Variants in PTPRC observed in about 807,000 individuals in gnomAD.
PTPRC encodes receptor-type tyrosine-protein phosphatase C.
In PTPRC, 44 loss-of-function variants were observed where a neutral mutation model predicts 155.9. That is an observed-to-expected ratio of 0.28 (90% CI 0.22 to 0.36). The LOEUF is 0.36. Among genes scored for constraint, PTPRC ranks in the 10% least tolerant of loss-of-function variants. PTPRC has a pLI of 1.00. For synonymous variants in PTPRC, 525 were observed against 533.1 expected, an observed-to-expected ratio of 0.98 and a Z score of 0.21; for missense variants, 1,401 against 1,564.6, an observed-to-expected ratio of 0.90 and a Z score of 1.76.
At chr1:198,697,815 T>C (rs960298443) in intron 4 of PTPRC, among the ~76,000 whole-genome samples, 1 of 152,202 alleles carries the variant, frequency 6.6e-6, no homozygotes, top group African/African-American at 2.4e-5. Flanking sequence ...TTGTTTAGGG[T>C]ACATCAAAGT....
In PTPRC at chr1:198,752,693, G is replaced by A. The variant is rs139041596; in HGVS notation, c.3430G>A (p.Val1144Ile). 1.0e-4 allele frequency: 162 copies of A among 1,612,912 alleles called. No individual in the cohort carries two copies. In the African/African-American group the frequency reaches 1.6e-3, roughly 16 times the overall value. Residue 1144 changes from valine to isoleucine, a missense_variant, in exon 31 of 33, where the codon GTC becomes ATC. Around this residue, in one of 3 missense-constraint regions of PTPRC, gnomAD observed 400 missense variants for 389.5 expected, o/e 1.03. Transcript: ENST00000442510. ...GGAATTAATCTCTATGATTCAGGTC[G>A]TCAAACAAAAACTTCCCCAGAAGAA... is the stretch of plus-strand genomic sequence containing the variant. ...PKELISMIQV[V>I]KQKLPQKNSS...
At chr1:198,678,831 C>G (rs890720725) in intron 2 of PTPRC, among the ~76,000 whole-genome samples, 1 of 151,450 alleles carries the variant, frequency 6.6e-6, no homozygotes, top group South Asian at 2.1e-4. Flanking sequence ...TTTTCCCCCC[C>G]AGTTTTTTCT....
chr1:198,752,446 T>A, intron 30 of PTPRC, 75 bp downstream of exon 30: 1 of 1,572,370 alleles, frequency 6.4e-7, no homozygotes. Context: ...AATTACTCTA[T>A]GCAGGCAAGG....
rs1655676668 is a variant in PTPRC at position 198,756,506 on chromosome 1, A to C, written c.*325A>C. ...AAAGAGAGAGAATTCTTTCAAGTGAATCTAAAAGCTTTTGCTTTTCCTTTG... is the reference window on the plus strand; with the variant it reads ...AAAGAGAGAGAATTCTTTCAAGTGACTCTAAAAGCTTTTGCTTTTCCTTTG... On this transcript the variant is annotated 3_prime_UTR_variant, in exon 33 of 33. Coordinates refer to ENST00000442510, the MANE Select transcript of PTPRC (RefSeq NM_002838.5). 9.1e-6 allele frequency: 2 copies of C among 220,814 alleles called. No individual in the cohort carries two copies. The highest frequency in any genetic ancestry group is 5.3e-5 in the Admixed American group (1 of 18,976). The allele number at this position is 220,814 out of a possible 1,614,324, so 13.7% of individuals were successfully genotyped here. A position where few individuals can be genotyped will look rare whatever the true frequency, so the allele number is the denominator to read the frequency against.
chr1:198,734,155 A>G (rs1454593834), intron 20 of PTPRC, 41 bp from the exon 21 acceptor site: 1 of 1,592,580 alleles, frequency 6.3e-7, no homozygotes, highest in Non-Finnish European at 8.6e-7. Flanking sequence ...GAGTAATTGA[A>G]TGTTCAGCAA....
chr1:198,724,756 T>C (rs1654051831), intron 15 of PTPRC, among the ~76,000 whole-genome samples: 1 of 152,014 alleles, frequency 6.6e-6, no homozygotes, highest in South Asian at 2.1e-4. Context: ...GGTTTCTGTC[T>C]TTATTCTTGG....
intron 14 of PTPRC, among the ~76,000 whole-genome samples, chr1:198,720,399 C>T (rs1653831587): frequency 6.6e-6 from 1 of 152,082 alleles, no homozygotes; most frequent in African/African-American, 2.4e-5. Flanking sequence ...GGCGTGATCT[C>T]GGCTCCTGCA....
chr1:198,711,067 G>A (rs760080648), intron 11 of PTPRC, among the ~76,000 whole-genome samples: 11 of 151,950 alleles, frequency 7.2e-5, no homozygotes, highest in African/African-American at 1.2e-4. Context: ...CTCATGATCC[G>A]CCCACCTTGG....
At chr1:198,687,776 T>A (rs1665713068) in intron 2 of PTPRC, among the ~76,000 whole-genome samples, 1 of 152,168 alleles carries the variant, frequency 6.6e-6, no homozygotes, top group South Asian at 2.1e-4. Context: ...TTATTAAAAT[T>A]GATATGTTGC....
intron 2 of PTPRC, among the ~76,000 whole-genome samples, chr1:198,662,463 TGTGTGTGTGTGTGTGAGA>T (rs1664023848): frequency 1.6e-5 from 2 of 126,828 alleles, no homozygotes; most frequent in African/African-American, 5.9e-5. Context: ...TGTGTGTGTG[TGTGTGTGTGTGTGTGAGA>T]GTGTGTGTGT....
intron 25 of PTPRC, among the ~76,000 whole-genome samples, chr1:198,742,991 T>C (rs1288404712): frequency 6.9e-6 from 1 of 144,718 alleles, no homozygotes; most frequent in Non-Finnish European, 1.5e-5. Context: ...AAATCACATA[T>C]ATGCATATAC....
chr1:198,724,261 G>A (rs1388108856), intron 15 of PTPRC, among the ~76,000 whole-genome samples: 1 of 152,134 alleles, frequency 6.6e-6, no homozygotes, highest in Non-Finnish European at 1.5e-5. Context: ...GAAAGGACTT[G>A]GGCTGTGAAT....
In PTPRC at chr1:198,655,458, C is replaced by G. The variant is rs539076292; in HGVS notation, c.73+16117C>G. On this transcript the variant is annotated intron_variant, in intron 2 of 32. Transcript: ENST00000442510. ...TGAGGGAACTTGGTCTAGAATTCCT[C>G]CAGCATATTATGAGGTATTTGTTCT... is the stretch of plus-strand genomic sequence containing the variant. 2.7e-3 allele frequency among the ~76,000 whole-genome samples: 418 copies of G among 152,116 alleles called. 1 individual carries two copies. The highest frequency in any genetic ancestry group is 6.8e-3 in the Middle Eastern group (2 of 294).
intron 2 of PTPRC, among the ~76,000 whole-genome samples, chr1:198,681,090 G>T (rs1665297480): frequency 6.6e-6 from 1 of 152,036 alleles, no homozygotes; most frequent in South Asian, 2.1e-4. Flanking sequence ...TAAAGATAGA[G>T]AAACCATTTT....
At chr1:198,694,928 T>C (rs1026369033) in intron 3 of PTPRC, 10 of 980,290 alleles carry the variant, frequency 1.0e-5, no homozygotes, top group Non-Finnish European at 1.2e-5. Flanking sequence ...GGCATGTCAT[T>C]ATGGGTAAAA....
chr1:198,748,835 A>G (rs1319297861), intron 27 of PTPRC, among the ~76,000 whole-genome samples: 1 of 151,792 alleles, frequency 6.6e-6, no homozygotes, highest in Admixed American at 6.6e-5. Flanking sequence ...AGATCAGTGC[A>G]TGGTTGACCT....
chr1:198,697,414 C>G (rs1051305249), intron 4 of PTPRC, among the ~76,000 whole-genome samples: 2 of 152,250 alleles, frequency 1.3e-5, no homozygotes, highest in South Asian at 4.1e-4. Flanking sequence ...ATTTGAGTTT[C>G]TTTTAAGAGC....
chr1:198,686,668 A>G (rs1384548568), intron 2 of PTPRC, among the ~76,000 whole-genome samples: 2 of 152,194 alleles, frequency 1.3e-5, no homozygotes, highest in Non-Finnish European at 2.9e-5. Context: ...TATTGTTCAT[A>G]AAGAATGTTT....
At chr1:198,696,546 C>T (rs1437217371) in intron 3 of PTPRC, among the ~76,000 whole-genome samples, 166 bp from the exon 4 acceptor site, 2 of 151,980 alleles carry the variant, frequency 1.3e-5, no homozygotes, top group Non-Finnish European at 2.9e-5. Flanking sequence ...AATACATATA[C>T]ACACCATATA....
Sources: gnomAD v4.1 joint callset for allele counts (sites outside exome capture counted in the v4.1 genomes callset) on GRCh38, gnomAD v4.1.1 for gene constraint, gnomAD v4.1.1 regional missense constraint, MANE v1.5 for transcripts, NCBI Gene and HGNC (gene_info 2026-07-23, HGNC 2026-07-21) for gene names.